RPGR: variants seen among roughly 807,000 people sequenced by gnomAD.
RPGR encodes the protein retinitis pigmentosa GTPase regulator, also known as X-linked retinitis pigmentosa GTPase regulator.
RPGR carries 10 observed loss-of-function variants against 56.3 expected under a neutral mutation model. The ratio of observed to expected loss-of-function variants is 0.18; its 90% CI spans 0.11 to 0.30. The LOEUF (loss-of-function observed/expected upper bound fraction) is 0.30. RPGR is among the 10% of genes least tolerant of loss of function. The pLI is 1.00. For missense variants in RPGR, 538 were observed against 590.9 expected, an observed-to-expected ratio of 0.91 and a Z score of 0.93; for synonymous variants, 197 against 212.9, an observed-to-expected ratio of 0.93 and a Z score of 0.65.
chrX:38,320,382 T>C (rs948800260), intron 4 of RPGR, among the ~76,000 whole-genome samples: 10 of 111,968 alleles, frequency 8.9e-5, no homozygotes, highest in African/African-American at 3.3e-4. Flanking sequence ...GATACTATCC[T>C]TTCTCTATTG....
At chrX:38,272,123 C>G (rs2066851526) in intron 18 of RPGR, among the ~76,000 whole-genome samples, 1 of 110,068 alleles carries the variant, frequency 9.1e-6, no homozygotes, top group Non-Finnish European at 1.9e-5. Flanking sequence ...ACATAGAAAA[C>G]AAGAAGGTGA....
chrX:38,289,389 G>A, intron 13 of RPGR, among the ~76,000 whole-genome samples: 1 of 111,880 alleles, frequency 8.9e-6, no homozygotes, highest in Non-Finnish European at 1.9e-5. Context: ...CAAAAACTAT[G>A]AAATCAAACA....
chrX:38,270,917 G>A (rs900949904), intron 18 of RPGR, among the ~76,000 whole-genome samples: 1 of 111,511 alleles, frequency 9.0e-6, no homozygotes, highest in Non-Finnish European at 1.9e-5. Flanking sequence ...GGAAAACTAG[G>A]CAGCTCAGAA....
intron 8 of RPGR, among the ~76,000 whole-genome samples, chrX:38,302,451 C>T (rs904421416): frequency 2.7e-5 from 3 of 111,090 alleles, no homozygotes; most frequent in Non-Finnish European, 5.7e-5. Flanking sequence ...CAACTAATAC[C>T]CCTGAAGCAC....
intron 6 of RPGR, among the ~76,000 whole-genome samples, chrX:38,312,983 G>T (rs1218907711): frequency 9.1e-6 from 1 of 110,112 alleles, no homozygotes; most frequent in Non-Finnish European, 1.9e-5. Flanking sequence ...TATCATTTCA[G>T]GGGTTTACAT....
At position 38,285,967 on chromosome X, in the gene RPGR, CCCTCCCCTTCTT is replaced by C. The variant is rs748744854; in HGVS notation, c.1905+1115_1905+1126del. ...CCCTTCCTCTTCTTCCTCCCCTTCT[CCCTCCCCTTCTT>C]CCTCTCCCTCTCCTTCTTCCTCCCC... On this transcript the variant is annotated intron_variant, in intron 15 of 18. Transcript: ENST00000642395. The C allele has an allele frequency of 7.1e-5, 68 of 960,909 alleles. No individual in the cohort carries two copies. In the African/African-American group the frequency reaches 1.2e-3, roughly 17 times the overall value. 79.2% of individuals were successfully genotyped at this position (960,909 alleles called of 1,213,427 possible). A position where few individuals can be genotyped will look rare whatever the true frequency, so the allele number is the denominator to read the frequency against.
chrX:38,286,344 C>T (rs2067164164), intron 15 of RPGR: 1 of 784,882 alleles, frequency 1.3e-6, no homozygotes. Context: ...CTTCTCCCTC[C>T]CCTTCTCCTT....
At chrX:38,313,636 G>A (rs1013641674) in intron 6 of RPGR, among the ~76,000 whole-genome samples, 2 of 111,712 alleles carry the variant, frequency 1.8e-5, no homozygotes, top group African/African-American at 3.3e-5. Context: ...ACTGGAGTTC[G>A]AATTCTGATT....
chrX:38,286,826 G>C lies in RPGR; in HGVS notation c.1905+268C>G, dbSNP rs907856232. The C allele has an allele frequency of 3.4e-6, 4 of 1,167,154 alleles. No individual in the cohort carries two copies. Among genetic ancestry groups the C allele is most frequent in the Non-Finnish European group, 3.4e-6 (3 of 875,945 alleles). ...TCCTCCCCTCCCTCCTCCATCTCTT[G>C]GTTTCTTTCCTTCTGATGGCCCTGC... On this transcript the variant is annotated intron_variant, in intron 15 of 18. Transcript: ENST00000642395.
intron 17 of RPGR, among the ~76,000 whole-genome samples, chrX:38,274,159 T>C (rs1388236738): frequency 8.9e-6 from 1 of 112,237 alleles, no homozygotes; most frequent in Non-Finnish European, 1.9e-5. Flanking sequence ...TGCCGTGTGA[T>C]GGTGTGGAAA....
intron 15 of RPGR, among the ~76,000 whole-genome samples, chrX:38,283,957 T>C (rs1404209789): frequency 8.9e-6 from 1 of 112,028 alleles, no homozygotes; most frequent in Non-Finnish European, 1.9e-5. Flanking sequence ...TGTGGTCGAA[T>C]TCGGTAAAGC....
chrX:38,315,038 G>A (rs1305212896), intron 6 of RPGR, among the ~76,000 whole-genome samples: 2 of 111,576 alleles, frequency 1.8e-5, no homozygotes, highest in Non-Finnish European at 3.8e-5. Flanking sequence ...ACTGAATAAA[G>A]AAAATGTGGG....
intron 13 of RPGR, among the ~76,000 whole-genome samples, chrX:38,290,027 A>G (rs1191299349): frequency 3.6e-5 from 4 of 112,061 alleles, no homozygotes; most frequent in Admixed American, 9.5e-5. Context: ...GTGTTCGAAC[A>G]GCTCTCCCAT....
At chrX:38,326,729 A>G (rs1441476494) in intron 1 of RPGR, 1 of 110,914 alleles carries the variant, frequency 9.0e-6, no homozygotes, top group Admixed American at 9.6e-5. Context: ...CAAAGTGCAC[A>G]AGTCTGGAGT....
intron 15 of RPGR, among the ~76,000 whole-genome samples, chrX:38,278,432 G>C (rs1157247353): frequency 8.9e-6 from 1 of 111,845 alleles, no homozygotes; most frequent in Admixed American, 9.5e-5. Flanking sequence ...GTAAAGACGG[G>C]GTTTCGCCAT....
At chrX:38,308,604 AAT>A (rs1350001586) in intron 7 of RPGR, among the ~76,000 whole-genome samples, 2 of 112,007 alleles carry the variant, frequency 1.8e-5, no homozygotes, top group African/African-American at 6.5e-5. Flanking sequence ...AACTAGAGAA[AAT>A]ATATAACACA....
At chrX:38,293,396 A>C (rs12834659) in intron 11 of RPGR, among the ~76,000 whole-genome samples, 15,784 of 111,688 alleles carry the variant, frequency 0.14, 897 homozygotes, top group Middle Eastern at 0.17. Context: ...ATAATACATT[A>C]CTACCATAAT....
intron 7 of RPGR, among the ~76,000 whole-genome samples, chrX:38,305,257 T>C (rs1023510172): frequency 1.8e-5 from 2 of 110,684 alleles, no homozygotes; most frequent in African/African-American, 6.6e-5. Context: ...CTACTAAAAT[T>C]ACAAAAATTA....
chrX:38,304,313 G>A (rs1052052797), intron 8 of RPGR, among the ~76,000 whole-genome samples: 5 of 112,085 alleles, frequency 4.5e-5, no homozygotes, highest in African/African-American at 1.3e-4. Context: ...CTTTTGGCCT[G>A]AGTAGAATTA....
Sources: gnomAD v4.1 joint callset for allele counts (sites outside exome capture counted in the v4.1 genomes callset) on GRCh38, gnomAD v4.1.1 for gene constraint, MANE v1.5 for transcripts, NCBI Gene and HGNC (gene_info 2026-07-23, HGNC 2026-07-21) for gene names.